Variants in SNX29 observed in about 807,000 individuals in gnomAD.
The protein encoded by SNX29 is sorting nexin 29.
Under a neutral mutation model 102.1 loss-of-function variants are expected in SNX29, and 78 were observed. The ratio of observed to expected loss-of-function variants is 0.76; its 90% CI spans 0.64 to 0.92. The LOEUF (loss-of-function observed/expected upper bound fraction) is 0.92. Among genes scored for constraint, SNX29 ranks in the 40% least tolerant of loss-of-function variants. The pLI, the probability that SNX29 is intolerant of heterozygous loss-of-function variation, is 0.00. For missense variants in SNX29, 1,280 were observed against 1,061.7 expected (o/e 1.21, Z -2.86); for synonymous variants, 580 against 414.5 (o/e 1.40, Z -4.85).
chr16:12,010,040 G>A (rs1268087823), intron 3 of SNX29, among the ~76,000 whole-genome samples: 1 of 152,174 alleles, frequency 6.6e-6, no homozygotes, highest in Non-Finnish European at 1.5e-5. Context: ...GTTGTGTTGC[G>A]ATTTTGGGCA....
At chr16:12,426,444 G>A (rs566982232) in intron 18 of SNX29, among the ~76,000 whole-genome samples, 15 of 152,232 alleles carry the variant, frequency 9.9e-5, no homozygotes, top group African/African-American at 2.9e-4. Context: ...ATAATGAGCC[G>A]GAAAGTATAA....
At chr16:12,494,104 A>G (rs1296120728) in intron 19 of SNX29, among the ~76,000 whole-genome samples, 2 of 152,124 alleles carry the variant, frequency 1.3e-5, no homozygotes, top group Admixed American at 6.5e-5. Context: ...TCCCAGTGCT[A>G]TGCGAGGCTC....
chr16:12,185,042 T>C (rs899768518), intron 13 of SNX29, among the ~76,000 whole-genome samples: 5 of 152,242 alleles, frequency 3.3e-5, no homozygotes, highest in Non-Finnish European at 4.4e-5. Context: ...AGGCTGTTTG[T>C]ATGAACCTGG....
At chr16:12,558,353 C>G (rs1212875408) in intron 20 of SNX29, among the ~76,000 whole-genome samples, 2 of 152,114 alleles carry the variant, frequency 1.3e-5, no homozygotes, top group East Asian at 3.9e-4. Context: ...GCCCCCTCAG[C>G]ATCACAGCCA....
At chr16:12,544,449 C>G (rs1227626268) in intron 20 of SNX29, among the ~76,000 whole-genome samples, 4 of 152,146 alleles carry the variant, frequency 2.6e-5, no homozygotes, top group Non-Finnish European at 5.9e-5. Context: ...CTTTCTCTAC[C>G]CTATCTCATT....
chr16:12,453,979 T>A, intron 18 of SNX29, among the ~76,000 whole-genome samples: 1 of 152,108 alleles, frequency 6.6e-6, no homozygotes, highest in East Asian at 1.9e-4. Context: ...TTTCCTTATC[T>A]CTTAGTAACA....
At chr16:12,511,324 C>A (rs1282875697) in intron 19 of SNX29, among the ~76,000 whole-genome samples, 1 of 152,154 alleles carries the variant, frequency 6.6e-6, no homozygotes, top group Non-Finnish European at 1.5e-5. Context: ...AGCTGGGTCA[C>A]CTTAGAGAAG....
In SNX29 at chr16:12,043,095, G is replaced by A. The variant is rs752717368; in HGVS notation, c.428+18G>A. 5.6e-6 allele frequency: 9 copies of A among 1,612,114 alleles called. No homozygotes were observed. Among genetic ancestry groups the A allele is most frequent in the South Asian group, 3.3e-5 (3 of 90,904 alleles). ...AGGCTGAGGTACGTGGCCGGGATGC[G>A]AACTGGGATGGGATGGAGCAAGAGG... On this transcript the variant is annotated intron_variant, in intron 5 of 20. Transcript: ENST00000566228.
At chr16:12,318,289 A>G (rs75648248) in intron 15 of SNX29, among the ~76,000 whole-genome samples, 2,751 of 152,308 alleles carry the variant, frequency 0.018, 100 homozygotes, top group African/African-American at 0.063. Context: ...GGCCTTGATC[A>G]GGCTGGTTTT....
In SNX29 at chr16:12,096,273, C is replaced by A. The variant is rs147874744; in HGVS notation, c.1402+17358C>A. ...TTAGTGTCTTAGTAATTGGAAGGTT[C>A]CAGATGGCATTTAGACATGCCTCAC... On this transcript the variant is annotated intron_variant, in intron 11 of 20. Transcript: ENST00000566228. This position sits in a 1 kb window ranked among gnomAD's most constrained non-coding sequence, Gnocchi z 4.2. 3.9e-4 allele frequency among the ~76,000 whole-genome samples: 59 copies of A among 152,314 alleles called. No homozygotes were observed. Among genetic ancestry groups the A allele is most frequent in the African/African-American group, 1.3e-3 (54 of 41,572 alleles).
At chr16:12,135,190 C>A (rs1397002100) in intron 13 of SNX29, among the ~76,000 whole-genome samples, 1 of 152,260 alleles carries the variant, frequency 6.6e-6, no homozygotes, top group Non-Finnish European at 1.5e-5. Flanking sequence ...CACAAATTCA[C>A]ATGCTAATCT....
At chr16:12,451,451 C>G (rs2086296495) in intron 18 of SNX29, among the ~76,000 whole-genome samples, 4 of 152,212 alleles carry the variant, frequency 2.6e-5, no homozygotes, top group Admixed American at 6.5e-5. Flanking sequence ...CGGTGGCTGC[C>G]CAATGTGTGG....
Position 12,222,683 on chromosome 16 carries a change from C to G in SNX29, c.1678+23000C>G, listed in dbSNP as rs140253457. ...TCCTGGGTTCCAGCAATTCTTCTGCCTCAGCCTCTTGGGTAGCTAGGACTA... is the reference window on the plus strand; with the variant it reads ...TCCTGGGTTCCAGCAATTCTTCTGCGTCAGCCTCTTGGGTAGCTAGGACTA... On this transcript the variant is annotated intron_variant, in intron 14 of 20. Coordinates refer to ENST00000566228, the MANE Select transcript of SNX29 (RefSeq NM_032167.5). Among the ~76,000 whole-genome samples, 652 of 152,298 alleles carry G rather than the reference C, an allele frequency of 4.3e-3. 4 individuals carry two copies. Among genetic ancestry groups the G allele is most frequent in the African/African-American group, 0.015 (626 of 41,542 alleles).
intron 20 of SNX29, among the ~76,000 whole-genome samples, chr16:12,544,795 C>G (rs2077511969): frequency 6.6e-6 from 1 of 152,206 alleles, no homozygotes; most frequent in African/African-American, 2.4e-5. Context: ...AGCCAGGATT[C>G]TAGAGACCAA....
intron 11 of SNX29, among the ~76,000 whole-genome samples, chr16:12,126,006 G>C (rs924133158): frequency 1.3e-5 from 2 of 152,092 alleles, no homozygotes; most frequent in Non-Finnish European, 2.9e-5. Flanking sequence ...TGGTGATCTT[G>C]TTTCACACTT....
intron 15 of SNX29, among the ~76,000 whole-genome samples, chr16:12,302,368 G>T (rs1430581780): frequency 6.6e-6 from 1 of 152,198 alleles, no homozygotes; most frequent in Non-Finnish European, 1.5e-5. Context: ...ATTATTGATT[G>T]TGTTATCTAC....
At chr16:12,431,333 C>CTG (rs57467654) in intron 18 of SNX29, among the ~76,000 whole-genome samples, 2,331 of 152,104 alleles carry the variant, frequency 0.015, 66 homozygotes, top group African/African-American at 0.052. Flanking sequence ...CTCCAATTAA[C>CTG]AGCCCCAGGG....
At chr16:12,561,722 C>T (rs546868846) in intron 20 of SNX29, among the ~76,000 whole-genome samples, 3 of 152,298 alleles carry the variant, frequency 2.0e-5, no homozygotes, top group South Asian at 2.1e-4. Context: ...TGTTAAGTTG[C>T]TAGCAGCAGG....
intron 20 of SNX29, among the ~76,000 whole-genome samples, chr16:12,548,726 C>G (rs149974445): frequency 6.6e-6 from 1 of 152,134 alleles, no homozygotes; most frequent in African/African-American, 2.4e-5. Flanking sequence ...AGGGGTACAT[C>G]CAGGGCTCCA....
Sources: gnomAD v4.1 joint callset for allele counts (sites outside exome capture counted in the v4.1 genomes callset) on GRCh38, gnomAD v4.1.1 for gene constraint, Gnocchi (gnomAD v3.1) non-coding constraint, MANE v1.5 for transcripts, NCBI Gene and HGNC (gene_info 2026-07-23, HGNC 2026-07-21) for gene names.